The following GRIN2A variants were observed in gnomAD, a reference collection of about 807,000 sequenced individuals.
The protein encoded by GRIN2A is glutamate ionotropic receptor NMDA type subunit 2A.
A neutral mutation model predicts 113.4 loss-of-function variants in GRIN2A; 22 were observed. That is an observed-to-expected ratio of 0.19 (90% confidence interval 0.14 to 0.28). The LOEUF is 0.28. Among genes scored for constraint, GRIN2A ranks in the 10% least tolerant of loss-of-function variants. The probability of loss-of-function intolerance (pLI) is 1.00; values close to 1 mark genes in which losing one functional copy is unlikely to be tolerated. For synonymous variants in GRIN2A, 827 were observed against 738.4 expected (o/e 1.12, Z -1.94); for missense variants, 1,502 against 1,887.0 (o/e 0.80, Z 3.78).
intron 2 of GRIN2A, among the ~76,000 whole-genome samples, chr16:10,108,365 G>C (rs2048538531): frequency 6.6e-6 from 1 of 152,190 alleles, no homozygotes. Flanking sequence ...CCATGATTCA[G>C]TTACCTCCCA....
At chr16:10,045,064 C>A (rs781481261) in intron 2 of GRIN2A, among the ~76,000 whole-genome samples, 1 of 152,142 alleles carries the variant, frequency 6.6e-6, no homozygotes, top group African/African-American at 2.4e-5. Context: ...TCAAAATATT[C>A]TTTTGAAAAT....
intron 3 of GRIN2A, among the ~76,000 whole-genome samples, chr16:9,915,797 C>T (rs2044237611): frequency 6.6e-6 from 1 of 152,144 alleles, no homozygotes; most frequent in Admixed American, 6.6e-5. Context: ...TTTGAGCCTC[C>T]GTTTTTTCAT....
intron 2 of GRIN2A, among the ~76,000 whole-genome samples, chr16:10,045,181 C>T (rs1032641356): frequency 6.6e-6 from 1 of 152,180 alleles, no homozygotes; most frequent in Non-Finnish European, 1.5e-5. Flanking sequence ...CACCAGGGTG[C>T]AGACATGATT....
chr16:10,116,608 A>T (rs552136030), intron 2 of GRIN2A, among the ~76,000 whole-genome samples: 97 of 152,352 alleles, frequency 6.4e-4, no homozygotes, highest in Middle Eastern at 3.4e-3. Flanking sequence ...TTGGAAGGTG[A>T]TCACAGGAAG....
At chr16:9,778,534 G>GA (rs1289686458) in intron 11 of GRIN2A, among the ~76,000 whole-genome samples, 15 of 151,774 alleles carry the variant, frequency 9.9e-5, no homozygotes, top group African/African-American at 3.1e-4. Flanking sequence ...ACAGATTTAA[G>GA]AAAAAAAAGG....
chr16:9,946,456 G>T (rs1450604265), intron 2 of GRIN2A, among the ~76,000 whole-genome samples: 1 of 152,148 alleles, frequency 6.6e-6, no homozygotes, highest in Non-Finnish European at 1.5e-5. Context: ...TGGGCCCCTG[G>T]CCTTCTCTGT....
chr16:9,957,756 G>A lies in GRIN2A; in HGVS notation c.415-19205C>T, dbSNP rs559144926. ...ATTTAACAACCGAAAGATGCCCCTC[G>A]ATGACTCTGAAGGGCTTGGTTTCTC... On this transcript the variant is annotated intron_variant, in intron 2 of 12. Transcript: ENST00000330684. Among the ~76,000 whole-genome samples, 15 of 152,208 alleles carry A rather than the reference G, an allele frequency of 9.9e-5. No homozygotes were observed. The South Asian group carries it at 3.1e-3, about 32-fold the overall frequency.
At chr16:10,001,625 C>T (rs977217274) in intron 2 of GRIN2A, among the ~76,000 whole-genome samples, 6 of 152,160 alleles carry the variant, frequency 3.9e-5, no homozygotes, top group African/African-American at 1.4e-4. Flanking sequence ...AGAAGCCCTC[C>T]AATAAAATCT....
chr16:10,111,692 T>C (rs986915599), intron 2 of GRIN2A: 60 of 1,567,432 alleles, frequency 3.8e-5, no homozygotes, highest in Non-Finnish European at 5.0e-5. Context: ...GCCAACGAGG[T>C]GCATAAGGTC....
At chr16:9,872,382 A>G (rs1351730051) in intron 4 of GRIN2A, among the ~76,000 whole-genome samples, 1 of 152,130 alleles carries the variant, frequency 6.6e-6, no homozygotes, top group Admixed American at 6.5e-5. Context: ...CTCTTTGTCT[A>G]CGTAGACTAG....
At chr16:9,906,613 G>A (rs1048905128) in intron 3 of GRIN2A, among the ~76,000 whole-genome samples, 2 of 152,154 alleles carry the variant, frequency 1.3e-5, no homozygotes, top group Non-Finnish European at 2.9e-5. Flanking sequence ...TCAATACTTA[G>A]TTTAGATGAG....
intron 2 of GRIN2A, among the ~76,000 whole-genome samples, chr16:10,103,479 G>C (rs188552338): frequency 1.1e-4 from 17 of 152,294 alleles, no homozygotes; most frequent in African/African-American, 3.4e-4. Flanking sequence ...TAACCATCAA[G>C]GGTATTACTA....
chr16:10,182,335 C>A lies in GRIN2A; in HGVS notation c.-477G>T, dbSNP rs539725840. 6.6e-6 allele frequency: 1 copy of A among 152,500 alleles called. No homozygotes were observed. Among genetic ancestry groups the A allele is most frequent in the African/African-American group, 2.4e-5 (1 of 41,596 alleles). 9.4% of individuals were successfully genotyped at this position (152,500 alleles called of 1,614,324 possible). ...CCACCCACGAGAAGCTAACTGGGCA[C>A]CTCCACCCGCACCCCCTACCACCTC... On this transcript the variant is annotated 5_prime_UTR_variant, in exon 1 of 13. Coordinates refer to ENST00000330684, the MANE Select transcript of GRIN2A (RefSeq NM_001134407.3).
intron 2 of GRIN2A, chr16:10,179,710 A>C: frequency 2.1e-6 from 1 of 485,654 alleles, no homozygotes. Flanking sequence ...CACCGCCACC[A>C]CCACCACCCC....
Position 10,180,603 on chromosome 16 carries a change from A to ATC in GRIN2A, c.-18-176_-18-175dup, listed in dbSNP as rs2050249558. 1 of 631,410 alleles carries ATC rather than the reference A, an allele frequency of 1.6e-6. No individual in the cohort carries two copies. Among genetic ancestry groups the ATC allele is most frequent in the Non-Finnish European group, 2.0e-6 (1 of 506,840 alleles). The allele number at this position is 631,410 out of a possible 1,614,324, so 39.1% of individuals were successfully genotyped here. ...CGACGCCATCCACATCCCTCGATCC[A>ATC]TCTCTAACTCTATCCACAACTCCAA... On this transcript the variant is annotated intron_variant, in intron 1 of 12. Coordinates refer to ENST00000330684, the MANE Select transcript of GRIN2A (RefSeq NM_001134407.3). The surrounding 1 kb of genome is among the most constrained non-coding windows in gnomAD (Gnocchi z 7.0).
At chr16:9,931,417 T>C (rs995132849) in intron 3 of GRIN2A, among the ~76,000 whole-genome samples, 1 of 152,182 alleles carries the variant, frequency 6.6e-6, no homozygotes, top group Non-Finnish European at 1.5e-5. Context: ...ATGTATATAC[T>C]TTAAGATGTT....
intron 2 of GRIN2A, among the ~76,000 whole-genome samples, chr16:10,148,826 G>T (rs1279474266): frequency 6.6e-6 from 1 of 152,178 alleles, no homozygotes; most frequent in South Asian, 2.1e-4. Flanking sequence ...CAACCTAAGT[G>T]TCTACCAACA....
intron 11 of GRIN2A, among the ~76,000 whole-genome samples, chr16:9,780,485 C>T (rs994993155): frequency 6.6e-6 from 1 of 152,124 alleles, no homozygotes; most frequent in Non-Finnish European, 1.5e-5. Context: ...ATGATTCCAC[C>T]ATTTATTTGA....
At chr16:9,982,613 T>C (rs1440781302) in intron 2 of GRIN2A, among the ~76,000 whole-genome samples, 4 of 152,242 alleles carry the variant, frequency 2.6e-5, no homozygotes, top group Admixed American at 2.6e-4. Context: ...CAATTAGTTA[T>C]CTTTTAAAAT....
Sources: gnomAD v4.1 joint callset for allele counts (sites outside exome capture counted in the v4.1 genomes callset) on GRCh38, gnomAD v4.1.1 for gene constraint, Gnocchi (gnomAD v3.1) non-coding constraint, MANE v1.5 for transcripts, NCBI Gene and HGNC (gene_info 2026-07-23, HGNC 2026-07-21) for gene names.